The following TIMP3 variants were observed in gnomAD, a reference collection of about 807,000 sequenced individuals.
TIMP3 encodes TIMP metallopeptidase inhibitor 3, also known as metalloproteinase inhibitor 3.
TIMP3 carries 11 observed loss-of-function variants against 30.0 expected under a neutral mutation model. The ratio of observed to expected loss-of-function variants is 0.37; its 90% CI spans 0.23 to 0.61. The LOEUF (loss-of-function observed/expected upper bound fraction) is 0.61, where lower values mean the gene tolerates loss of function less well. TIMP3 is among the 20% of genes least tolerant of loss of function. The probability of loss-of-function intolerance (pLI) is 0.70; values close to 1 mark genes in which losing one functional copy is unlikely to be tolerated. For synonymous variants in TIMP3, 112 were observed against 111.3 expected (o/e 1.01, Z -0.04); for missense variants, 181 against 276.8 (o/e 0.65, Z 2.45).
At chr22:32,806,666 G>T (rs1025740956) in intron 1 of TIMP3, among the ~76,000 whole-genome samples, 1 of 152,150 alleles carries the variant, frequency 6.6e-6, no homozygotes. Context: ...ATAACAATTT[G>T]TACCATCTTG....
chr22:32,808,254 T>TA (rs749896861), intron 1 of TIMP3, among the ~76,000 whole-genome samples: 34 of 152,240 alleles, frequency 2.2e-4, no homozygotes, highest in Non-Finnish European at 8.8e-5. Flanking sequence ...TGAACACACA[T>TA]ACACAGGGTT....
chr22:32,804,442 C>A (rs1355795500), intron 1 of TIMP3, among the ~76,000 whole-genome samples: 1 of 152,234 alleles, frequency 6.6e-6, no homozygotes, highest in Non-Finnish European at 1.5e-5. Flanking sequence ...TTGGGACCCA[C>A]ACAACCCCAC....
rs1162988900 is a variant in TIMP3 at position 32,859,320 on chromosome 22, C to G, written c.579C>G (p.Ser193Arg). The G allele has an allele frequency of 6.2e-7, 1 of 1,614,000 alleles. No homozygotes were observed. Among genetic ancestry groups the G allele is most frequent in the Non-Finnish European group, 8.5e-7 (1 of 1,180,040 alleles). The change falls in exon 5 of 5, where the codon AGC (serine) becomes AGG (arginine). Residue 193 changes from serine (S) to arginine (R), a missense_variant. By Grantham distance (110) the Ser-to-Arg change is moderately radical. Transcript: ENST00000266085. ...TCCGGCAGAAGGGCGGCTACTGCAGCTGGTACCGAGGATGGGCCCCCCCGG... is the reference window on the plus strand; with the variant it reads ...TCCGGCAGAAGGGCGGCTACTGCAGGTGGTACCGAGGATGGGCCCCCCCGG... Reference protein sequence around the residue: ...ACIRQKGGYCSWYRGWAPPDK... With the variant: ...ACIRQKGGYCRWYRGWAPPDK...
intron 1 of TIMP3, among the ~76,000 whole-genome samples, chr22:32,802,599 C>T (rs749255323): frequency 6.6e-6 from 1 of 152,134 alleles, no homozygotes; most frequent in Non-Finnish European, 1.5e-5. Flanking sequence ...TCTCCTGCGC[C>T]TATGAAATTC....
Position 32,859,364 on chromosome 22 carries a change from C to T in TIMP3, c.623C>T (p.Ala208Val), listed in dbSNP as rs1039961048. 1.2e-6 allele frequency: 2 copies of T among 1,610,808 alleles called. No individual in the cohort carries two copies. Among genetic ancestry groups the T allele is most frequent in the Non-Finnish European group, 8.5e-7 (1 of 1,179,972 alleles). ...WAPPDKSIIN[A>V]TDP is the part of the protein sequence containing the mutation. ...CCCCCGGATAAAAGCATCATCAATG[C>T]CACAGACCCCTGAGCGCCAGACCCT... Residue 208 changes from alanine to valine, a missense_variant, in exon 5 of 5, where the codon GCC (alanine) becomes GTC (valine). Around this residue, in one of 3 missense-constraint regions of TIMP3, gnomAD observed 47 missense variants for 63.8 expected, o/e 0.74. Transcript: ENST00000266085.
intron 1 of TIMP3, among the ~76,000 whole-genome samples, chr22:32,813,763 T>C (rs988009393): frequency 7.9e-5 from 12 of 152,112 alleles, no homozygotes; most frequent in African/African-American, 2.7e-4. Flanking sequence ...CTTGGCCTCG[T>C]TCATGGCTAG....
At chr22:32,833,523 A>G (rs1006916486) in intron 1 of TIMP3, among the ~76,000 whole-genome samples, 2 of 152,168 alleles carry the variant, frequency 1.3e-5, no homozygotes, top group Non-Finnish European at 1.5e-5. Flanking sequence ...TGTAGAAGAA[A>G]TTCAAAGGAG....
At chr22:32,810,280 C>T (rs907045554) in intron 1 of TIMP3, among the ~76,000 whole-genome samples, 1 of 152,188 alleles carries the variant, frequency 6.6e-6, no homozygotes, top group African/African-American at 2.4e-5. Flanking sequence ...GCTAGGATGG[C>T]TTTGCTGTCA....
chr22:32,849,471 G>A lies in TIMP3; in HGVS notation c.141G>A (p.Val47=), dbSNP rs1243687379. The change falls in exon 2 of 5, where the codon GTG becomes GTA. Residue 47 remains valine (V), a synonymous_variant. Transcript: ENST00000266085. The part of the protein sequence containing the change: ...NSDIVIRAKV[V]GKKLVKEGPF... ...CTGCAGTGATCCGGGCCAAGGTGGT[G>A]GGGAAGAAGCTGGTAAAGGAGGGGC... 3 of 1,613,776 alleles carry A rather than the reference G, an allele frequency of 1.9e-6. No homozygotes were observed. Among genetic ancestry groups the A allele is most frequent in the Admixed American group, 3.3e-5 (2 of 60,000 alleles).
chr22:32,850,891 A>G (rs922728300), intron 2 of TIMP3, among the ~76,000 whole-genome samples: 2 of 152,140 alleles, frequency 1.3e-5, no homozygotes, highest in African/African-American at 2.4e-5. Context: ...GTACCCAACC[A>G]TCCCCAAGGC....
intron 1 of TIMP3, among the ~76,000 whole-genome samples, chr22:32,808,165 T>G (rs910546748): frequency 6.6e-6 from 1 of 152,210 alleles, no homozygotes; most frequent in African/African-American, 2.4e-5. Flanking sequence ...GAATAAGCAG[T>G]GGACCATTTA....
chr22:32,823,887 T>C (rs2047327285), intron 1 of TIMP3, among the ~76,000 whole-genome samples: 1 of 152,146 alleles, frequency 6.6e-6, no homozygotes, highest in Non-Finnish European at 1.5e-5. Flanking sequence ...CAGGTGATTA[T>C]AGGTGAAGGT....
rs552312629 is a variant in TIMP3 at position 32,814,317 on chromosome 22, CAGAA to C, written c.121+12215_121+12218del. Among the ~76,000 whole-genome samples, 78 of 43,704 alleles carry C rather than the reference CAGAA, an allele frequency of 1.8e-3. 1 individual carries two copies. Among genetic ancestry groups the C allele is most frequent in the African/African-American group, 6.2e-3 (59 of 9,456 alleles). The allele number at this position is 43,704 out of a possible 152,430, so 28.7% of individuals were successfully genotyped here. ...GGAAGGAAGGAGAGAGAGAGAGAGACAGAAAGAAAGAAAGAAAGAAAGAGAAAGA... is the reference window on the plus strand; with the variant it reads ...GGAAGGAAGGAGAGAGAGAGAGAGACAGAAAGAAAGAAAGAAAGAGAAAGA... On this transcript the variant is annotated intron_variant, in intron 1 of 4. Coordinates refer to ENST00000266085, the MANE Select transcript of TIMP3 (RefSeq NM_000362.5).
intron 1 of TIMP3, among the ~76,000 whole-genome samples, chr22:32,835,877 C>G (rs571191160): frequency 6.6e-6 from 1 of 152,346 alleles, no homozygotes; most frequent in South Asian, 2.1e-4. Flanking sequence ...GATTCTTAGA[C>G]ATTACAAGAG....
intron 1 of TIMP3, chr22:32,833,699 T>C (rs242077): frequency 0.58 from 259,469 of 449,510 alleles, 75,828 homozygotes; most frequent in Admixed American, 0.69. Context: ...TGGCATGCTA[T>C]GTCCACCACT....
chr22:32,808,000 G>C (rs976965639), intron 1 of TIMP3, among the ~76,000 whole-genome samples: 3 of 151,884 alleles, frequency 2.0e-5, no homozygotes, highest in African/African-American at 7.3e-5. Flanking sequence ...TTGTCTCTTT[G>C]AAAGGGAGCA....
intron 1 of TIMP3, among the ~76,000 whole-genome samples, chr22:32,807,391 T>C (rs1346553338): frequency 5.8e-5 from 6 of 103,026 alleles, no homozygotes; most frequent in Non-Finnish European, 9.4e-5. Context: ...ATATATTATA[T>C]ATAATATATA....
Position 32,861,181 on chromosome 22 carries a change from A to C in TIMP3, c.*1804A>C, listed in dbSNP as rs1440608573. ...TGCCAATTGAAACAGAAGAAGAAAA[A>C]AAAAAAAAGCAGCAGACAACACACT... On this transcript the variant is annotated 3_prime_UTR_variant, in exon 5 of 5. Transcript: ENST00000266085. 1 of 152,232 alleles carries C rather than the reference A, an allele frequency of 6.6e-6. No individual in the cohort carries two copies. The highest frequency in any genetic ancestry group is 1.5e-5 in the Non-Finnish European group (1 of 67,934). The allele number at this position is 152,232 out of a possible 1,614,324, so 9.4% of individuals were successfully genotyped here.
chr22:32,807,572 G>A (rs1192457522), intron 1 of TIMP3, among the ~76,000 whole-genome samples: 2 of 149,340 alleles, frequency 1.3e-5, no homozygotes, highest in Non-Finnish European at 3.0e-5. Flanking sequence ...TTTTATGAGG[G>A]AGGTGTGCTA....
Sources: allele counts gnomAD v4.1 joint callset (sites outside exome capture counted in the v4.1 genomes callset), GRCh38; gene constraint gnomAD v4.1.1; regional missense constraint gnomAD v4.1.1; transcripts MANE v1.5; gene names NCBI Gene and HGNC (gene_info 2026-07-23, HGNC 2026-07-21).